The following PDK1 variants were observed in gnomAD, a reference collection of about 807,000 sequenced individuals.
The protein encoded by PDK1 is pyruvate dehydrogenase kinase 1.
A neutral mutation model predicts 54.2 loss-of-function variants in PDK1; 39 were observed. The ratio of observed to expected loss-of-function variants is 0.72; its 90% CI spans 0.56 to 0.94. PDK1 has a LOEUF of 0.94. Among genes scored for constraint, PDK1 ranks in the 40% least tolerant of loss-of-function variants. The pLI is 0.00. For missense variants in PDK1, 552 were observed against 566.0 expected (o/e 0.98, Z 0.25); for synonymous variants, 221 against 207.1 (o/e 1.07, Z -0.58).
At chr2:172,580,989 T>C (rs909507336) in intron 8 of PDK1, among the ~76,000 whole-genome samples, 2 of 151,718 alleles carry the variant, frequency 1.3e-5, no homozygotes, top group African/African-American at 4.8e-5. Context: ...TTGGAGGTGA[T>C]GAAAAATTCT....
At position 172,595,980 on chromosome 2, in the gene PDK1, G is replaced by C. The variant is rs779780730; in HGVS notation, c.*11G>C. The C allele has an allele frequency of 7.0e-5, 112 of 1,599,578 alleles. No homozygotes were observed. The highest frequency in any genetic ancestry group is 8.6e-5 in the Non-Finnish European group (101 of 1,171,128). ...TTCCGCAGTGCCTAGACACACTTGG[G>C]ACATCGGAAAATCCAAATGTGGCTT... is the stretch of plus-strand genomic sequence containing the variant. On this transcript the variant is annotated 3_prime_UTR_variant, in exon 11 of 11. Transcript: ENST00000282077.
At chr2:172,671,515 T>A in the PDK1 span, among the ~76,000 whole-genome samples, 2 of 151,372 alleles carry the variant, frequency 1.3e-5, no homozygotes, top group African/African-American at 4.8e-5. Flanking sequence ...CCTCAGAGGA[T>A]TATAATACTT....
At chr2:172,573,052 T>A (rs1180078081) in intron 8 of PDK1, among the ~76,000 whole-genome samples, 2 of 152,234 alleles carry the variant, frequency 1.3e-5, no homozygotes, top group East Asian at 3.8e-4. Context: ...AATATGGCTA[T>A]GAATGTTTGT....
the PDK1 span, among the ~76,000 whole-genome samples, chr2:172,621,983 TCTCATGATGCATGTTTATAG>T: frequency 6.6e-6 from 1 of 150,408 alleles, no homozygotes; most frequent in Non-Finnish European, 1.5e-5. Context: ...TATGTTTATA[TCTCATGATGCATGTTTATAG>T]CTCATGATGC....
chr2:172,668,568 G>T, the PDK1 span, among the ~76,000 whole-genome samples: 5 of 151,374 alleles, frequency 3.3e-5, no homozygotes, highest in Admixed American at 2.6e-4. Context: ...ACAATTGTTT[G>T]ACTCTCTCAT....
intron 10 of PDK1, among the ~76,000 whole-genome samples, chr2:172,594,912 T>C (rs1291875889): frequency 6.6e-6 from 1 of 152,130 alleles, no homozygotes; most frequent in Non-Finnish European, 1.5e-5. Flanking sequence ...TATGGAAAAC[T>C]GAAATCATGC....
chr2:172,660,963 A>G, the PDK1 span, among the ~76,000 whole-genome samples: 1 of 152,170 alleles, frequency 6.6e-6, no homozygotes, highest in East Asian at 1.9e-4. Context: ...GATGGTAGTG[A>G]TATAAATAAG....
chr2:172,702,699 T>C, the PDK1 span, among the ~76,000 whole-genome samples: 5 of 151,808 alleles, frequency 3.3e-5, no homozygotes, highest in East Asian at 1.9e-4. Context: ...TTCTTTTGGA[T>C]TTTGGCCCTA....
chr2:172,667,293 G>C, the PDK1 span, among the ~76,000 whole-genome samples: 1 of 152,206 alleles, frequency 6.6e-6, no homozygotes, highest in Non-Finnish European at 1.5e-5. Context: ...TCTGCAGAAG[G>C]AACAGGCAAG....
the PDK1 span, among the ~76,000 whole-genome samples, chr2:172,626,835 A>T: frequency 6.6e-6 from 1 of 152,170 alleles, no homozygotes; most frequent in Non-Finnish European, 1.5e-5. Context: ...AGAAATCAAT[A>T]AAAAACAAGA....
the PDK1 span, among the ~76,000 whole-genome samples, chr2:172,686,172 A>G: frequency 6.6e-6 from 1 of 152,228 alleles, no homozygotes; most frequent in African/African-American, 2.4e-5. Context: ...CTCAAAGGAT[A>G]TCAACAGGAA....
chr2:172,721,126 T>C, the PDK1 span, among the ~76,000 whole-genome samples: 1 of 152,214 alleles, frequency 6.6e-6, no homozygotes, highest in Non-Finnish European at 1.5e-5. Flanking sequence ...CTCTTCTTCC[T>C]GTGTTCTGCC....
chr2:172,678,024 C>A, the PDK1 span, among the ~76,000 whole-genome samples: 1 of 152,028 alleles, frequency 6.6e-6, no homozygotes. Flanking sequence ...CAAAAATTAG[C>A]CGGGCATGGT....
the PDK1 span, among the ~76,000 whole-genome samples, chr2:172,686,763 G>A: frequency 7.2e-3 from 1,100 of 152,238 alleles, 18 homozygotes; most frequent in African/African-American, 0.025. Context: ...TCTTGAAGTC[G>A]GTGAGACCAG....
At chr2:172,690,908 A>G in the PDK1 span, among the ~76,000 whole-genome samples, 1 of 150,054 alleles carries the variant, frequency 6.7e-6, no homozygotes, top group Non-Finnish European at 1.5e-5. Context: ...TGATGAGTTG[A>G]TGGGTACAGC....
chr2:172,570,593 G>T, intron 7 of PDK1, 133 bp from the exon 8 acceptor site: 2 of 501,178 alleles, frequency 4.0e-6, no homozygotes, highest in African/African-American at 2.0e-5. Flanking sequence ...CTTTAAATGT[G>T]GTTATAAGAA....
At chr2:172,656,455 C>A in the PDK1 span, among the ~76,000 whole-genome samples, 376 of 152,284 alleles carry the variant, frequency 2.5e-3, 6 homozygotes, top group African/African-American at 8.7e-3. Context: ...CCCCCATGCT[C>A]CTCCCTTAGA....
At chr2:172,589,328 GC>G (rs1484578642) in intron 9 of PDK1, among the ~76,000 whole-genome samples, 10 of 152,218 alleles carry the variant, frequency 6.6e-5, no homozygotes, top group Non-Finnish European at 1.5e-5. Flanking sequence ...GGTAAAGATA[GC>G]ACAGGAACCC....
chr2:172,610,522 T>A (rs1252456362), downstream of PDK1, among the ~76,000 whole-genome samples: 1 of 152,230 alleles, frequency 6.6e-6, no homozygotes, highest in Non-Finnish European at 1.5e-5. Context: ...TAGTTATTAA[T>A]CTTTGGGTTA....
Sources: gnomAD v4.1 joint callset for allele counts (sites outside exome capture counted in the v4.1 genomes callset) on GRCh38, gnomAD v4.1.1 for gene constraint, MANE v1.5 for transcripts, NCBI Gene and HGNC (gene_info 2026-07-23, HGNC 2026-07-21) for gene names.